Variants in TNK1 observed in about 807,000 individuals in gnomAD.
The protein encoded by TNK1 is tyrosine kinase non receptor 1.
In TNK1, 53 loss-of-function variants were observed where a neutral mutation model predicts 65.2. The observed-to-expected ratio is 0.81, with a 90% confidence interval of 0.65 to 1.02. The LOEUF (loss-of-function observed/expected upper bound fraction) is 1.02, where lower values mean the gene tolerates loss of function less well. TNK1 is among the 50% of genes least tolerant of loss of function. The probability of loss-of-function intolerance (pLI) is 0.00; values close to 1 mark genes in which losing one functional copy is unlikely to be tolerated. For missense variants in TNK1, 837 were observed against 878.4 expected, an observed-to-expected ratio of 0.95 and a Z score of 0.60; for synonymous variants, 353 against 364.6, an observed-to-expected ratio of 0.97 and a Z score of 0.36.
At position 7,388,851 on chromosome 17, in the gene TNK1, G is replaced by T; in HGVS notation, c.1840G>T (p.Gly614Ter). The change falls in exon 12 of 13, where the codon GGA becomes TGA. Residue 614 changes from glycine (G) to a stop codon, truncating the protein, a stop_gained. Transcript: ENST00000688331. LOFTEE classifies it high-confidence loss of function. The surrounding 1 kb of genome is among the most constrained non-coding windows in gnomAD (Gnocchi z 4.5). ...ECQTALGATG[G>*]DVVSAIRNLK... ...CCAGACAGCACTAGGAGCCACTGGG[G>T]GAGATGTGGTTTCTGCCATCCGGAA... 6.2e-7 allele frequency: 1 copy of T among 1,605,074 alleles called. No individual in the cohort carries two copies. Among genetic ancestry groups the T allele is most frequent in the Non-Finnish European group, 8.5e-7 (1 of 1,175,792 alleles).
intron 7 of TNK1, among the ~76,000 whole-genome samples, chr17:7,385,337 C>T (rs552682517): frequency 4.7e-5 from 7 of 148,672 alleles, no homozygotes; most frequent in Admixed American, 3.4e-4. Context: ...CGCACTCCAG[C>T]CTGGGCAAAA....
chr17:7,387,178 C>T (rs1319556983), intron 9 of TNK1, 24 bp downstream of exon 9: 12 of 1,550,748 alleles, frequency 7.7e-6, no homozygotes, highest in African/African-American at 1.4e-5. Context: ...AGGGTGAGGG[C>T]AGGGGTTGGC....
chr17:7,384,552 C>G lies in TNK1; in HGVS notation c.935C>G (p.Thr312Arg), dbSNP rs1002262081. Residue 312 changes from threonine to arginine, a missense_variant, in exon 7 of 13, where the codon ACG (threonine) becomes AGG (arginine). Thr to Arg is a moderately conservative substitution (Grantham distance 71, BLOSUM62 -1). Transcript: ENST00000688331. ...SASDVWMFGV[T>R]LWEMFSGGEE... ...TCGGACGTGTGGATGTTTGGGGTGA[C>G]GCTGTGGGAGATGTTCTCCGGGGGC... is the stretch of plus-strand genomic sequence containing the variant. 3.1e-6 allele frequency: 5 copies of G among 1,609,658 alleles called. No homozygotes were observed. The African/African-American group carries it at 6.7e-5, about 22-fold the overall frequency.
intron 7 of TNK1, among the ~76,000 whole-genome samples, chr17:7,385,720 A>G (rs1010612414): frequency 8.6e-5 from 13 of 151,998 alleles, no homozygotes; most frequent in Non-Finnish European, 1.5e-4. Context: ...GCCTGCCACC[A>G]CGCCTGGCTA....
Position 7,386,619 on chromosome 17 carries a change from T to A in TNK1, c.1196T>A (p.Met399Lys), listed in dbSNP as rs756131032. ...GTCACAGAACCAGGCGCCCTGAGGA[T>A]GGAGACTGGTGACCCCATCACAGTC... is the stretch of plus-strand genomic sequence containing the variant. ...RDVTEPGALR[M>K]ETGDPITVIE... The change falls in exon 8 of 13, where the codon ATG becomes AAG. Residue 399 changes from methionine (M) to lysine (K), a missense_variant. Coordinates refer to ENST00000688331, the MANE Select transcript of TNK1 (RefSeq NM_003985.6). 3 of 1,601,908 alleles carry A rather than the reference T, an allele frequency of 1.9e-6. No individual in the cohort carries two copies. In the East Asian group the frequency reaches 6.8e-5, roughly 36 times the overall value.
rs1041423347 is a variant in TNK1 at position 7,388,707 on chromosome 17, G to A, written c.1776+3G>A. On this transcript the variant is annotated splice_donor_region_variant and intron_variant, in intron 11 of 12. Coordinates refer to ENST00000688331, the MANE Select transcript of TNK1 (RefSeq NM_003985.6). The surrounding 1 kb of genome is among the most constrained non-coding windows in gnomAD (Gnocchi z 4.5). ...AGTTGCAGAGGAAGATTATGGAGGT[G>A]AGGTCTCACTGAAATGGCCTGGTGT... The A allele has an allele frequency of 6.2e-6, 10 of 1,611,806 alleles. No homozygotes were observed. The African/African-American group carries it at 9.4e-5, about 15-fold the overall frequency.
Position 7,388,299 on chromosome 17 carries a change from C to T in TNK1, c.1478-107C>T, listed in dbSNP as rs1046066201. The T allele has an allele frequency of 6.8e-6, 8 of 1,173,154 alleles. No homozygotes were observed. In the African/African-American group the frequency reaches 1.2e-4, roughly 18 times the overall value. 72.7% of individuals were successfully genotyped at this position (1,173,154 alleles called of 1,614,324 possible). A position where few individuals can be genotyped will look rare whatever the true frequency, so the allele number is the denominator to read the frequency against. On this transcript the variant is annotated intron_variant, in intron 10 of 12. Coordinates refer to ENST00000688331, the MANE Select transcript of TNK1 (RefSeq NM_003985.6). This position sits in a 1 kb window ranked among gnomAD's most constrained non-coding sequence, Gnocchi z 4.5. ...AATTAGCCAGTCGTAATGGCAGGCA[C>T]CTATAGTCCCAGCTACTCGGGAGGC... is the stretch of plus-strand genomic sequence containing the variant.
At chr17:7,385,861 G>A (rs1297322540) in intron 7 of TNK1, among the ~76,000 whole-genome samples, 2 of 152,138 alleles carry the variant, frequency 1.3e-5, no homozygotes, top group Admixed American at 6.5e-5. Flanking sequence ...CACCGTGCCC[G>A]GCCTGGATGA....
Position 7,388,341 on chromosome 17 carries a change from C to A in TNK1, c.1478-65C>A, listed in dbSNP as rs1032950479. On this transcript the variant is annotated intron_variant, in intron 10 of 12. Coordinates refer to ENST00000688331, the MANE Select transcript of TNK1 (RefSeq NM_003985.6). The surrounding 1 kb of genome is among the most constrained non-coding windows in gnomAD (Gnocchi z 4.5). ...TCGGGAGGCTGAGGTGGGAGGATCG[C>A]TTGAGCCCGGGAGGCGGAGGCTGCA... 6.6e-7 allele frequency: 1 copy of A among 1,509,738 alleles called. No individual in the cohort carries two copies. The allele number at this position is 1,509,738 out of a possible 1,614,324, so 93.5% of individuals were successfully genotyped here.
chr17:7,384,851 C>G, intron 7 of TNK1, 97 bp downstream of exon 7: 2 of 1,445,268 alleles, frequency 1.4e-6, no homozygotes, highest in Non-Finnish European at 1.8e-6. Flanking sequence ...GATGTCTGTG[C>G]TGGGCTCTGG....
intron 10 of TNK1, among the ~76,000 whole-genome samples, chr17:7,387,872 G>A (rs2094988525): frequency 6.6e-6 from 1 of 152,158 alleles, no homozygotes; most frequent in East Asian, 1.9e-4. Flanking sequence ...TCAAAGTGCT[G>A]GGATTACAGG....
Position 7,384,591 on chromosome 17 carries a change from C to T in TNK1, c.974C>T (p.Ala325Val). Residue 325 changes from alanine to valine, a missense_variant, in exon 7 of 13, where the codon GCC (alanine) becomes GTC (valine). Transcript: ENST00000688331. Reference sequence around the variant, plus strand: ...TTCTCCGGGGGCGAGGAACCCTGGGCCGGGGTCCCACCGTACCTCATCCTG... The same window carrying T: ...TTCTCCGGGGGCGAGGAACCCTGGGTCGGGGTCCCACCGTACCTCATCCTG... ...EMFSGGEEPW[A>V]GVPPYLILQR... is the part of the protein sequence containing the mutation. The T allele has an allele frequency of 6.2e-7, 1 of 1,612,406 alleles. No individual in the cohort carries two copies. Among genetic ancestry groups the T allele is most frequent in the Admixed American group, 1.7e-5 (1 of 59,886 alleles).
rs765064235 is a variant in TNK1 at position 7,388,837 on chromosome 17, T to G, written c.1826T>G (p.Leu609Arg). 6.2e-6 allele frequency: 10 copies of G among 1,607,170 alleles called. No homozygotes were observed. The Admixed American group carries it at 1.5e-4, about 25-fold the overall frequency. Reference protein sequence around the residue: ...GVTHQECQTALGATGGDVVSA... With the variant: ...GVTHQECQTARGATGGDVVSA... Reference sequence around the variant, plus strand: ...ACCCACCAGGAGTGCCAGACAGCACTAGGAGCCACTGGGGGAGATGTGGTT... The same window carrying G: ...ACCCACCAGGAGTGCCAGACAGCACGAGGAGCCACTGGGGGAGATGTGGTT... Residue 609 changes from leucine to arginine, a missense_variant, in exon 12 of 13, where the codon CTA becomes CGA. Physicochemically the swap from Leu to Arg is moderately radical, Grantham distance 102. Transcript: ENST00000688331. This position sits in a 1 kb window ranked among gnomAD's most constrained non-coding sequence, Gnocchi z 4.5.
chr17:7,384,221 C>A lies in TNK1; in HGVS notation c.834C>A (p.Val278=), dbSNP rs1419662301. Residue 278 remains valine, a synonymous_variant, in exon 6 of 13, where the codon GTC becomes GTA. Coordinates refer to ENST00000688331, the MANE Select transcript of TNK1 (RefSeq NM_003985.6). ...RPLGGARGRY[V]MGGPRPIPYA... is the part of the protein sequence containing the mutation. ...TGGGCGGTGCCCGGGGCCGCTACGT[C>A]ATGGGCGGGCCCCGCCCTATCCCCT... 29 of 1,512,002 alleles carry A rather than the reference C, an allele frequency of 1.9e-5. No homozygotes were observed. In the East Asian group the frequency reaches 7.2e-4, roughly 38 times the overall value. The allele number at this position is 1,512,002 out of a possible 1,614,324, so 93.7% of individuals were successfully genotyped here.
chr17:7,383,062 C>T lies in TNK1; in HGVS notation c.136C>T (p.Leu46=). The part of the protein sequence containing the change: ...EHFDFVKPED[L]DGIGMGRPAQ... ...CTTCGACTTTGTAAAGCCTGAGGAC[C>T]TGGACGGCATTGGCATGGGCCGGCC... The change falls in exon 2 of 13, where the codon CTG becomes TTG. Residue 46 remains leucine, a synonymous_variant. Coordinates refer to ENST00000688331, the MANE Select transcript of TNK1 (RefSeq NM_003985.6). 1.2e-6 allele frequency: 2 copies of T among 1,614,020 alleles called. No individual in the cohort carries two copies. The highest frequency in any genetic ancestry group is 1.7e-6 in the Non-Finnish European group (2 of 1,179,896).
At position 7,389,301 on chromosome 17, in the gene TNK1, G is replaced by A. The variant is rs773874152; in HGVS notation, c.*217G>A. On this transcript the variant is annotated 3_prime_UTR_variant, in exon 13 of 13. Coordinates refer to ENST00000688331, the MANE Select transcript of TNK1 (RefSeq NM_003985.6). ...TGCTCCTTGGCTTCTGAAGGCTGAA[G>A]CTCCTTTGGCTGGGCCAAGAAGGAT... 6 of 578,326 alleles carry A rather than the reference G, an allele frequency of 1.0e-5. No homozygotes were observed. Among genetic ancestry groups the A allele is most frequent in the Non-Finnish European group, 1.9e-5 (6 of 323,372 alleles). 35.8% of individuals were successfully genotyped at this position (578,326 alleles called of 1,614,324 possible).
intron 10 of TNK1, 148 bp downstream of exon 10, chr17:7,387,605 T>C: frequency 7.5e-6 from 1 of 132,760 alleles, no homozygotes; most frequent in Non-Finnish European, 1.2e-5. Context: ...TGCAATCTAT[T>C]TTTTTTTTTT....
Position 7,388,432 on chromosome 17 carries a change from C to T in TNK1, c.1504C>T (p.Leu502=). The change falls in exon 11 of 13, where the codon CTG becomes TTG. Residue 502 remains leucine (L), a synonymous_variant. Transcript: ENST00000688331. This position sits in a 1 kb window ranked among gnomAD's most constrained non-coding sequence, Gnocchi z 4.5. ...KGISRSLESV[L]SLGPRPTGGG... is the part of the protein sequence containing the mutation. ...CATTTCCAGGAGTCTGGAGTCAGTT[C>T]TGTCCCTCGGTCCTCGTCCCACAGG... 5 of 1,612,874 alleles carry T rather than the reference C, an allele frequency of 3.1e-6. No homozygotes were observed. The highest frequency in any genetic ancestry group is 4.2e-6 in the Non-Finnish European group (5 of 1,179,268).
Position 7,388,558 on chromosome 17 carries a change from C to T in TNK1, c.1630C>T (p.Pro544Ser). The T allele has an allele frequency of 6.2e-7, 1 of 1,613,998 alleles. No individual in the cohort carries two copies. The highest frequency in any genetic ancestry group is 8.5e-7 in the Non-Finnish European group (1 of 1,179,900). The change falls in exon 11 of 13, where the codon CCC (proline) becomes TCC (serine). Residue 544 changes from proline (P) to serine (S), a missense_variant. Physicochemically the swap from Pro to Ser is moderately conservative, Grantham distance 74. Coordinates refer to ENST00000688331, the MANE Select transcript of TNK1 (RefSeq NM_003985.6). This position sits in a 1 kb window ranked among gnomAD's most constrained non-coding sequence, Gnocchi z 4.5. ...RPPLSSSSPQ[P>S]SQPSRERLPW... ...ACCTTTATCCTCTAGCTCTCCTCAG[C>T]CCAGCCAGCCCTCTAGGGAGAGGCT...
Sources: allele counts gnomAD v4.1 joint callset (sites outside exome capture counted in the v4.1 genomes callset), GRCh38; gene constraint gnomAD v4.1.1; non-coding constraint Gnocchi (gnomAD v3.1); transcripts MANE v1.5; gene names NCBI Gene and HGNC (gene_info 2026-07-23, HGNC 2026-07-21).